ZNF69: variants seen among roughly 807,000 people sequenced by gnomAD.
The protein encoded by ZNF69 is zinc finger protein 69, also known as ZNF3.
A neutral mutation model predicts 50.9 loss-of-function variants in ZNF69; 47 were observed. The ratio of observed to expected loss-of-function variants is 0.92; its 90% CI spans 0.73 to 1.18. The LOEUF is 1.18. ZNF69 is among the 50% of genes most tolerant of loss of function. The probability of loss-of-function intolerance (pLI) is 0.00; values close to 1 mark genes in which losing one functional copy is unlikely to be tolerated. For missense variants in ZNF69, 717 were observed against 675.1 expected, an observed-to-expected ratio of 1.06 and a Z score of -0.69; for synonymous variants, 216 against 223.1, an observed-to-expected ratio of 0.97 and a Z score of 0.29.
chr19:11,957,090 AG>A, the ZNF69 span, among the ~76,000 whole-genome samples: 1,925 of 138,872 alleles, frequency 0.014, 57 homozygotes, highest in South Asian at 0.024. Context: ...GTAAGAAATA[AG>A]TTTTTTTTTT....
At chr19:11,948,374 A>G in the ZNF69 span, 22 of 1,614,052 alleles carry the variant, frequency 1.4e-5, no homozygotes, top group Middle Eastern at 1.7e-4. Flanking sequence ...TTCCAGGAGA[A>G]GAAAGCTTCT....
the ZNF69 span, among the ~76,000 whole-genome samples, chr19:11,957,651 C>T: frequency 1.3e-3 from 191 of 151,858 alleles, no homozygotes; most frequent in African/African-American, 4.1e-3. Flanking sequence ...TCAAGACCAC[C>T]CTGGCCAGCA....
chr19:11,941,460 C>T, the ZNF69 span, among the ~76,000 whole-genome samples: 22 of 152,316 alleles, frequency 1.4e-4, no homozygotes, highest in South Asian at 2.7e-3. Context: ...CAGCTAAGGC[C>T]GGGTGAGAAA....
chr19:11,960,597 A>G, the ZNF69 span, among the ~76,000 whole-genome samples: 3 of 141,810 alleles, frequency 2.1e-5, no homozygotes, highest in African/African-American at 3.0e-5. Context: ...CTCAGCAATG[A>G]GCGGTTTTTT....
the ZNF69 span, among the ~76,000 whole-genome samples, chr19:11,970,948 A>C: frequency 2.0e-5 from 3 of 152,020 alleles, no homozygotes; most frequent in East Asian, 3.8e-4. Context: ...TAAAAAAAAA[A>C]CTAAAAAACT....
At chr19:11,930,534 T>G in the ZNF69 span, among the ~76,000 whole-genome samples, 1 of 148,628 alleles carries the variant, frequency 6.7e-6, no homozygotes, top group Non-Finnish European at 1.5e-5. Flanking sequence ...ATATAAGAAC[T>G]CACTATAACC....
the ZNF69 span, chr19:11,948,667 A>G: frequency 1.2e-6 from 2 of 1,612,726 alleles, no homozygotes; most frequent in Non-Finnish European, 1.7e-6. Flanking sequence ...ACACATGGTA[A>G]TGCACAGTGG....
At chr19:11,979,077 C>G in the ZNF69 span, 1 of 1,614,010 alleles carries the variant, frequency 6.2e-7, no homozygotes, top group Non-Finnish European at 8.5e-7. Context: ...TTCAAACACA[C>G]CTAAGAATGC....
chr19:11,946,024 A>AG, the ZNF69 span, among the ~76,000 whole-genome samples: 1 of 152,154 alleles, frequency 6.6e-6, no homozygotes, highest in Non-Finnish European at 1.5e-5. Flanking sequence ...AGTATCGACA[A>AG]GAAACTCTAT....
At chr19:11,925,029 AC>A in the ZNF69 span, 1 of 578,904 alleles carries the variant, frequency 1.7e-6, no homozygotes. Flanking sequence ...GGGGGGCGGG[AC>A]CTAGTATTTC....
chr19:11,903,633 G>T lies in ZNF69; in HGVS notation c.124G>T (p.Asp42Tyr). 1 of 1,614,148 alleles carries T rather than the reference G, an allele frequency of 6.2e-7. No individual in the cohort carries two copies. The highest frequency in any genetic ancestry group is 2.2e-5 in the East Asian group (1 of 44,882). Residue 42 changes from aspartate to tyrosine, a missense_variant, in exon 2 of 4, where the codon GAT (aspartate) becomes TAT (tyrosine). Transcript: ENST00000429654. The part of the protein sequence containing the change: ...NFTQEEWALL[D>Y]ISQRKLYKEV... ...CACCCAGGAGGAGTGGGCTTTGCTGGATATTTCCCAGAGGAAACTCTACAA... is the reference window on the plus strand; with the variant it reads ...CACCCAGGAGGAGTGGGCTTTGCTGTATATTTCCCAGAGGAAACTCTACAA...
At position 11,902,843 on chromosome 19, in the gene ZNF69, G is replaced by A. The variant is rs371749843; in HGVS notation, c.64-730G>A. ...TTCATAGGACTCTGTCATGACAGAT[G>A]CTACAGTCCAAAGACCCACAGTCCA... On this transcript the variant is annotated intron_variant, in intron 1 of 3. Coordinates refer to ENST00000429654, the MANE Select transcript of ZNF69 (RefSeq NM_001364730.1). Among the ~76,000 whole-genome samples, 4 of 152,178 alleles carry A rather than the reference G, an allele frequency of 2.6e-5. No homozygotes were observed. In the East Asian group the frequency reaches 5.8e-4, roughly 22 times the overall value.
chr19:11,922,578 A>G, the ZNF69 span, among the ~76,000 whole-genome samples: 1 of 152,120 alleles, frequency 6.6e-6, no homozygotes, highest in Admixed American at 6.6e-5. Flanking sequence ...AGCTTGGTTT[A>G]AGTTTTCTCC....
downstream of ZNF69, among the ~76,000 whole-genome samples, chr19:11,917,542 C>T (rs1250076541): frequency 6.6e-6 from 1 of 152,210 alleles, no homozygotes; most frequent in Admixed American, 6.5e-5. Context: ...GTGGGTGAGG[C>T]AGGCTGCCTA....
At chr19:11,927,701 T>C in the ZNF69 span, among the ~76,000 whole-genome samples, 2 of 152,346 alleles carry the variant, frequency 1.3e-5, no homozygotes, top group East Asian at 3.9e-4. Flanking sequence ...AACATAACTA[T>C]AATTATCTTG....
the ZNF69 span, among the ~76,000 whole-genome samples, chr19:11,929,757 A>G: frequency 6.8e-6 from 1 of 147,710 alleles, no homozygotes; most frequent in East Asian, 1.9e-4. Context: ...CCACCCTCAT[A>G]CCACAGCCTA....
At chr19:11,909,400 A>T (rs1016522107), downstream of ZNF69, among the ~76,000 whole-genome samples, 3 of 152,248 alleles carry the variant, frequency 2.0e-5, no homozygotes, top group Admixed American at 2.0e-4. Flanking sequence ...CCTGATGAAC[A>T]TCGATGCAAA....
chr19:11,913,359 C>A, intron 4 of ZNF69: 1 of 587,924 alleles, frequency 1.7e-6, no homozygotes, highest in Non-Finnish European at 3.1e-6. Flanking sequence ...TGCTTATGTA[C>A]TTACATTTTT....
chr19:11,925,315 T>G, the ZNF69 span: 1 of 1,605,618 alleles, frequency 6.2e-7, no homozygotes, highest in South Asian at 1.1e-5. Context: ...GGGGAGGGGC[T>G]GCCTGGAACA....
Sources: gnomAD v4.1 joint callset for allele counts (sites outside exome capture counted in the v4.1 genomes callset) on GRCh38, gnomAD v4.1.1 for gene constraint, MANE v1.5 for transcripts, NCBI Gene and HGNC (gene_info 2026-07-23, HGNC 2026-07-21) for gene names.